CDK14: variants seen among roughly 807,000 people sequenced by gnomAD.
The protein encoded by CDK14 is cyclin dependent kinase 14.
A neutral mutation model predicts 60.7 loss-of-function variants in CDK14; 34 were observed. The ratio of observed to expected loss-of-function variants is 0.56; its 90% CI spans 0.43 to 0.75. The LOEUF (loss-of-function observed/expected upper bound fraction) is 0.75. CDK14 is among the 30% of genes least tolerant of loss of function. The pLI is 0.00. For missense variants in CDK14, 482 were observed against 564.1 expected, an observed-to-expected ratio of 0.85 and a Z score of 1.47; for synonymous variants, 197 against 203.7, an observed-to-expected ratio of 0.97 and a Z score of 0.28.
chr7:90,830,420 G>T (rs1335242091), intron 5 of CDK14, among the ~76,000 whole-genome samples: 1 of 152,204 alleles, frequency 6.6e-6, no homozygotes, highest in Non-Finnish European at 1.5e-5. Flanking sequence ...TCCCAAGGCT[G>T]CACAGAACAG....
chr7:90,886,928 A>G (rs1791963139), intron 6 of CDK14, among the ~76,000 whole-genome samples: 3 of 152,186 alleles, frequency 2.0e-5, no homozygotes, highest in Non-Finnish European at 2.9e-5. Flanking sequence ...AAAAAGAAGA[A>G]AAAGAGTGAT....
chr7:90,702,940 G>A (rs945086016), intron 2 of CDK14, among the ~76,000 whole-genome samples: 3 of 151,658 alleles, frequency 2.0e-5, no homozygotes, highest in Non-Finnish European at 2.9e-5. Context: ...TGGAAAGCTG[G>A]GACAAAGTCC....
chr7:90,614,799 T>C (rs1799615854), intron 2 of CDK14, among the ~76,000 whole-genome samples: 1 of 152,078 alleles, frequency 6.6e-6, no homozygotes, highest in African/African-American at 2.4e-5. Context: ...TTGTTTCTTT[T>C]AGGCATATGA....
At chr7:91,012,998 G>A (rs1237322987) in intron 10 of CDK14, among the ~76,000 whole-genome samples, 3 of 152,170 alleles carry the variant, frequency 2.0e-5, no homozygotes, top group East Asian at 3.9e-4. Flanking sequence ...GTGCACTAGT[G>A]GGGCAGAATT....
chr7:91,028,013 A>G (rs66487177), intron 10 of CDK14, among the ~76,000 whole-genome samples: 17,538 of 121,548 alleles, frequency 0.14, 1,432 homozygotes, highest in Non-Finnish European at 0.2. Flanking sequence ...CAGTGTATCC[A>G]ATAGGTGATT....
At chr7:90,787,570 C>T (rs1033934547) in intron 4 of CDK14, among the ~76,000 whole-genome samples, 1 of 152,080 alleles carries the variant, frequency 6.6e-6, no homozygotes, top group Non-Finnish European at 1.5e-5. Flanking sequence ...ACTATTATAA[C>T]AGCATTAATA....
chr7:91,113,892 C>T (rs1799539611), intron 13 of CDK14, among the ~76,000 whole-genome samples: 1 of 151,998 alleles, frequency 6.6e-6, no homozygotes, highest in African/African-American at 2.4e-5. Context: ...TAATCTACTA[C>T]TCCCCTTAAT....
At position 91,116,309 on chromosome 7, in the gene CDK14, G is replaced by T. The variant is rs803166; in HGVS notation, c.1295-1756G>T. Among the ~76,000 whole-genome samples the T allele has an allele frequency of 3.9e-5, 6 of 151,938 alleles. No homozygotes were observed. The South Asian group carries it at 1.2e-3, about 32-fold the overall frequency. On this transcript the variant is annotated intron_variant, in intron 13 of 14. Transcript: ENST00000380050. Reference sequence around the variant, plus strand: ...TTCAGTGAAAGAAGGCCAACAAATCGGTACAGTGTGAAGAGCACTGAACTG... The same window carrying T: ...TTCAGTGAAAGAAGGCCAACAAATCTGTACAGTGTGAAGAGCACTGAACTG...
rs1215077969 is a variant in CDK14, at chr7:90,882,760, A to C, written c.640-16531A>C. Among the ~76,000 whole-genome samples the C allele has an allele frequency of 2.0e-5, 3 of 152,364 alleles. 1 individual carries two copies. The South Asian group carries it at 6.2e-4, about 32-fold the overall frequency. On this transcript the variant is annotated intron_variant, in intron 6 of 14. Coordinates refer to ENST00000380050, the MANE Select transcript of CDK14 (RefSeq NM_001287135.2). ...TAACAGTCTCTCAGACCACAATGCA[A>C]TCAAATTAGAACTCAGGATTAAGAA...
chr7:91,145,320 G>A (rs1014792086), intron 14 of CDK14, among the ~76,000 whole-genome samples: 5 of 152,052 alleles, frequency 3.3e-5, no homozygotes, highest in African/African-American at 1.2e-4. Context: ...TAATAAATCA[G>A]CCAGGGCTGC....
rs146995739 is a variant in CDK14, at chr7:91,071,407, C to T, written c.1106-8025C>T. Among the ~76,000 whole-genome samples, 1,095 of 152,066 alleles carry T rather than the reference C, an allele frequency of 7.2e-3. 18 individuals are homozygous for T. Among genetic ancestry groups the T allele is most frequent in the South Asian group, 0.067 (322 of 4,812 alleles). On this transcript the variant is annotated intron_variant, in intron 11 of 14. Coordinates refer to ENST00000380050, the MANE Select transcript of CDK14 (RefSeq NM_001287135.2). ...GAGAGGAAGGAAGAGCAGTGTAGTGCGGCGGCCCACCTGAGAGCCACATGG... is the reference window on the plus strand; with the variant it reads ...GAGAGGAAGGAAGAGCAGTGTAGTGTGGCGGCCCACCTGAGAGCCACATGG...
At chr7:90,639,416 A>G (rs1222180069) in intron 2 of CDK14, among the ~76,000 whole-genome samples, 6 of 152,096 alleles carry the variant, frequency 3.9e-5, no homozygotes, top group Non-Finnish European at 7.3e-5. Context: ...TTGCCTGGGT[A>G]TCAGCAGTGG....
intron 2 of CDK14, among the ~76,000 whole-genome samples, chr7:90,640,944 A>G (rs1800313198): frequency 6.6e-6 from 1 of 152,188 alleles, no homozygotes; most frequent in Non-Finnish European, 1.5e-5. Flanking sequence ...GGATCTGAAC[A>G]GATGTTTCTT....
At chr7:91,196,833 G>T (rs1232586887) in intron 14 of CDK14, among the ~76,000 whole-genome samples, 1 of 152,226 alleles carries the variant, frequency 6.6e-6, no homozygotes, top group African/African-American at 2.4e-5. Flanking sequence ...GAGGTGAGAA[G>T]AGAGAAGGCT....
At chr7:90,802,849 T>C (rs912320659) in intron 5 of CDK14, among the ~76,000 whole-genome samples, 1 of 152,210 alleles carries the variant, frequency 6.6e-6, no homozygotes, top group African/African-American at 2.4e-5. Flanking sequence ...CAAAAGGAGA[T>C]CAAGAAGAGT....
chr7:90,803,824 G>A (rs1381850318), intron 5 of CDK14, among the ~76,000 whole-genome samples: 1 of 152,260 alleles, frequency 6.6e-6, no homozygotes, highest in East Asian at 1.9e-4. Flanking sequence ...TTCCTTGAGG[G>A]AGGTTGATGT....
intron 14 of CDK14, among the ~76,000 whole-genome samples, chr7:91,145,280 T>TA (rs1800590712): frequency 6.6e-6 from 1 of 152,192 alleles, no homozygotes; most frequent in African/African-American, 2.4e-5. Flanking sequence ...TCTTTAGACA[T>TA]ACTTTTTTTT....
At chr7:90,961,470 C>G (rs1794602188) in intron 9 of CDK14, among the ~76,000 whole-genome samples, 1 of 152,138 alleles carries the variant, frequency 6.6e-6, no homozygotes, top group Non-Finnish European at 1.5e-5. Flanking sequence ...TCATTTATTA[C>G]TTTTGCTAAA....
At chr7:90,667,827 C>T (rs1342845857) in intron 2 of CDK14, among the ~76,000 whole-genome samples, 1 of 152,170 alleles carries the variant, frequency 6.6e-6, no homozygotes, top group Non-Finnish European at 1.5e-5. Flanking sequence ...CCTCTGCCTC[C>T]CAAAGTGCTG....
Sources: allele counts gnomAD v4.1 joint callset (sites outside exome capture counted in the v4.1 genomes callset), GRCh38; gene constraint gnomAD v4.1.1; transcripts MANE v1.5; gene names NCBI Gene and HGNC (gene_info 2026-07-23, HGNC 2026-07-21).